PAK2: variants seen among roughly 807,000 people sequenced by gnomAD.
PAK2 encodes the protein p21 (RAC1) activated kinase 2, also known as serine/threonine-protein kinase PAK 2.
In PAK2, 21 loss-of-function variants were observed where a neutral mutation model predicts 65.9. The ratio of observed to expected loss-of-function variants is 0.32; its 90% CI spans 0.23 to 0.46. PAK2 has a LOEUF of 0.46. Ranked by LOEUF, PAK2 falls within the 20% of genes least tolerant of loss-of-function variation. The pLI is 1.00. For missense variants in PAK2, 324 were observed against 642.6 expected, an observed-to-expected ratio of 0.50 and a Z score of 5.36; for synonymous variants, 204 against 219.7, an observed-to-expected ratio of 0.93 and a Z score of 0.63.
Position 196,782,617 on chromosome 3 carries a change from C to T in PAK2, c.-21-9C>T. 1.4e-6 allele frequency: 2 copies of T among 1,408,188 alleles called. No individual in the cohort carries two copies. Among genetic ancestry groups the T allele is most frequent in the Middle Eastern group, 1.9e-4 (1 of 5,168 alleles). The allele number at this position is 1,408,188 out of a possible 1,614,324, so 87.2% of individuals were successfully genotyped here. The stretch of plus-strand genomic sequence containing the variant: ...ACTTTGTTACTAATTGTATTTTTTC[C>T]AATTCCAGGCCATTTCATAATTCTG... On this transcript the variant is annotated splice_polypyrimidine_tract_variant and intron_variant, in intron 1 of 14. Transcript: ENST00000327134.
intron 2 of PAK2, among the ~76,000 whole-genome samples, chr3:196,789,171 C>T (rs1234601101): frequency 2.6e-5 from 4 of 152,140 alleles, no homozygotes; most frequent in African/African-American, 9.7e-5. Flanking sequence ...CCTAACTAGT[C>T]TACTAGTTTA....
chr3:196,768,522 A>G (rs1714257277), intron 1 of PAK2, among the ~76,000 whole-genome samples: 1 of 151,406 alleles, frequency 6.6e-6, no homozygotes, highest in South Asian at 2.1e-4. Flanking sequence ...TTATTTATTT[A>G]TTTGAAACAA....
chr3:196,756,953 G>A (rs951701129), intron 1 of PAK2, among the ~76,000 whole-genome samples: 4 of 152,198 alleles, frequency 2.6e-5, no homozygotes, highest in South Asian at 4.1e-4. Flanking sequence ...GGTGCTCCTC[G>A]CAGATGGAAC....
At chr3:196,815,881 GTC>G (rs1157107057) in intron 11 of PAK2, among the ~76,000 whole-genome samples, 1 of 152,056 alleles carries the variant, frequency 6.6e-6, no homozygotes, top group African/African-American at 2.4e-5. Flanking sequence ...GTATCAATAA[GTC>G]TGTGCCTGGC....
Position 196,751,687 on chromosome 3 carries a change from ATATAT to A in PAK2, c.-22+11531_-22+11535del, listed in dbSNP as rs1713599093. Among the ~76,000 whole-genome samples, 4 of 78,456 alleles carry A rather than the reference ATATAT, an allele frequency of 5.1e-5. 1 individual carries two copies. Among genetic ancestry groups the A allele is most frequent in the African/African-American group, 3.4e-4 (4 of 11,880 alleles). The allele number at this position is 78,456 out of a possible 152,430, so 51.5% of individuals were successfully genotyped here. A position where few individuals can be genotyped will look rare whatever the true frequency, so the allele number is the denominator to read the frequency against. On this transcript the variant is annotated intron_variant, in intron 1 of 14. Transcript: ENST00000327134. ...TTTATTTATATACATATATATATAT[ATATAT>A]ATAATTCAGGCTATATATAAAAGGC...
At chr3:196,827,052 A>G in intron 13 of PAK2, 144 bp from the exon 14 acceptor site, 1 of 463,860 alleles carries the variant, frequency 2.2e-6, no homozygotes, top group Admixed American at 3.9e-5. Context: ...TATCAAATCT[A>G]AATTTAAATG....
At chr3:196,790,932 A>G (rs1180627136) in intron 2 of PAK2, among the ~76,000 whole-genome samples, 1 of 152,220 alleles carries the variant, frequency 6.6e-6, no homozygotes, top group Non-Finnish European at 1.5e-5. Context: ...ACTACTTTAT[A>G]TTCCTTTGTA....
chr3:196,785,123 T>C (rs1270569232), intron 2 of PAK2: 1 of 152,242 alleles, frequency 6.6e-6, no homozygotes, highest in Non-Finnish European at 1.5e-5. Flanking sequence ...ATGATAATGA[T>C]GTGCAGCTCA....
chr3:196,764,093 C>T (rs1171816545), intron 1 of PAK2, among the ~76,000 whole-genome samples: 2 of 151,956 alleles, frequency 1.3e-5, no homozygotes, highest in South Asian at 2.1e-4. Flanking sequence ...TGAGCCACCG[C>T]GCCCGGCCTG....
At chr3:196,770,196 G>A (rs937744224) in intron 1 of PAK2, among the ~76,000 whole-genome samples, 5 of 152,042 alleles carry the variant, frequency 3.3e-5, no homozygotes, top group African/African-American at 1.2e-4. Context: ...GGTTTAGACC[G>A]CAGTGAGGTC....
At position 196,820,238 on chromosome 3, in the gene PAK2, T is replaced by G. The variant is rs1339677119; in HGVS notation, c.1154-133T>G. The G allele has an allele frequency of 2.3e-6, 1 of 429,646 alleles. No individual in the cohort carries two copies. Among genetic ancestry groups the G allele is most frequent in the Non-Finnish European group, 4.0e-6 (1 of 247,608 alleles). 26.6% of individuals were successfully genotyped at this position (429,646 alleles called of 1,614,324 possible). A position where few individuals can be genotyped will look rare whatever the true frequency, so the allele number is the denominator to read the frequency against. On this transcript the variant is annotated intron_variant, in intron 12 of 14. Transcript: ENST00000327134. This position sits in a 1 kb window ranked among gnomAD's most constrained non-coding sequence, Gnocchi z 4.6. The stretch of plus-strand genomic sequence containing the variant: ...AAAATATTTTTAAACTCATTCTGGT[T>G]TACTTTATTAATGAAATCTTTAAAA...
At chr3:196,823,304 CTG>C (rs1428195642) in intron 13 of PAK2, among the ~76,000 whole-genome samples, 2 of 152,200 alleles carry the variant, frequency 1.3e-5, no homozygotes, top group Non-Finnish European at 2.9e-5. Context: ...AGTAACTCAA[CTG>C]CATTCCTGTA....
In PAK2 at chr3:196,830,313, A is replaced by C. The variant is rs1241286772; in HGVS notation, c.*1908A>C. 2 of 152,144 alleles carry C rather than the reference A, an allele frequency of 1.3e-5. No homozygotes were observed. Among genetic ancestry groups the C allele is most frequent in the Admixed American group, 6.5e-5 (1 of 15,268 alleles). 9.4% of individuals were successfully genotyped at this position (152,144 alleles called of 1,614,324 possible). ...ATTCTTGATTTCATTTTTCTCTGGA[A>C]TATATTGGCCTTCTACAGCTATTAC... On this transcript the variant is annotated 3_prime_UTR_variant, in exon 15 of 15. Coordinates refer to ENST00000327134, the MANE Select transcript of PAK2 (RefSeq NM_002577.4).
chr3:196,792,172 A>G (rs1715094490), intron 2 of PAK2, among the ~76,000 whole-genome samples: 1 of 152,236 alleles, frequency 6.6e-6, no homozygotes, highest in South Asian at 2.1e-4. Flanking sequence ...CATAGAGGAA[A>G]GGTGAGGGAA....
In PAK2 at chr3:196,759,489, G is replaced by GT. The variant is rs1418582155; in HGVS notation, c.-22+19340dup. 1.3e-3 allele frequency among the ~76,000 whole-genome samples: 129 copies of GT among 98,872 alleles called. 4 individuals are homozygous for GT. The highest frequency in any genetic ancestry group is 1.5e-3 in the Non-Finnish European group (80 of 52,706). The allele number at this position is 98,872 out of a possible 152,430, so 64.9% of individuals were successfully genotyped here. On this transcript the variant is annotated intron_variant, in intron 1 of 14. Transcript: ENST00000327134. ...ACCCTTTAAGGTATACAGTTAAGTGGTTTTTTTTGTTTTTTTTTTTTTTTT... is the reference window on the plus strand; with the variant it reads ...ACCCTTTAAGGTATACAGTTAAGTGGTTTTTTTTTGTTTTTTTTTTTTTTTT...
intron 4 of PAK2, among the ~76,000 whole-genome samples, chr3:196,804,537 G>A (rs1715520181): frequency 2.0e-5 from 3 of 152,154 alleles, no homozygotes; most frequent in South Asian, 2.1e-4. Flanking sequence ...GCACAATCTC[G>A]GCTTGCCAGA....
At chr3:196,793,726 G>A (rs939806197) in intron 2 of PAK2, among the ~76,000 whole-genome samples, 8 of 152,140 alleles carry the variant, frequency 5.3e-5, no homozygotes, top group African/African-American at 1.2e-4. Context: ...AAAAGAGTTC[G>A]CAGAGAAAGA....
At chr3:196,762,169 T>C (rs1391401761) in intron 1 of PAK2, among the ~76,000 whole-genome samples, 1 of 99,480 alleles carries the variant, frequency 1.0e-5, no homozygotes, top group Non-Finnish European at 2.3e-5. Context: ...CCTCACTTCC[T>C]AGATGGGATG....
intron 4 of PAK2, among the ~76,000 whole-genome samples, chr3:196,804,056 C>T (rs573309154): frequency 9.2e-4 from 140 of 152,236 alleles, no homozygotes; most frequent in African/African-American, 3.0e-3. Context: ...GATCATTTGT[C>T]CTGTTTCCCT....
Sources: allele counts gnomAD v4.1 joint callset (sites outside exome capture counted in the v4.1 genomes callset), GRCh38; gene constraint gnomAD v4.1.1; non-coding constraint Gnocchi (gnomAD v3.1); transcripts MANE v1.5; gene names NCBI Gene and HGNC (gene_info 2026-07-23, HGNC 2026-07-21).